The following COA8 variants were observed in gnomAD, a reference collection of about 807,000 sequenced individuals.
The protein encoded by COA8 is UPF0671 protein C14orf153.
A neutral mutation model predicts 22.0 loss-of-function variants in COA8; 20 were observed. The observed-to-expected ratio is 0.91, with a 90% CI of 0.64 to 1.32. The LOEUF is 1.32. Ranked by LOEUF, COA8 falls within the 40% of genes most tolerant of loss-of-function variation. The pLI is 0.00. For missense variants in COA8, 266 were observed against 230.0 expected (o/e 1.16, Z -1.01); for synonymous variants, 105 against 79.9 (o/e 1.31, Z -1.68).
intron 4 of COA8, chr14:103,588,135 A>C (rs1235990390): frequency 1.9e-5 from 6 of 320,566 alleles, no homozygotes; most frequent in Admixed American, 9.9e-5. Flanking sequence ...AAAAAAAAAA[A>C]AAAAACGGGT....
Position 103,590,710 on chromosome 14 carries a change from A to T in COA8, c.*424A>T, listed in dbSNP as rs1424102067. On this transcript the variant is annotated 3_prime_UTR_variant, in exon 5 of 5. Transcript: ENST00000409074. ...TGGCAAAACCCTGTCTCTACAAAAAATTAGCTGGGTGTGGTGGCACGCACC... is the reference window on the plus strand; with the variant it reads ...TGGCAAAACCCTGTCTCTACAAAAATTTAGCTGGGTGTGGTGGCACGCACC... 5.1e-5 allele frequency: 8 copies of T among 156,320 alleles called. No homozygotes were observed. The highest frequency in any genetic ancestry group is 1.4e-4 in the African/African-American group (6 of 41,454). The allele number at this position is 156,320 out of a possible 1,614,324, so 9.7% of individuals were successfully genotyped here. A position where few individuals can be genotyped will look rare whatever the true frequency, so the allele number is the denominator to read the frequency against.
intron 4 of COA8, among the ~76,000 whole-genome samples, chr14:103,589,908 C>T (rs1056550370): frequency 9.3e-5 from 14 of 151,222 alleles, no homozygotes; most frequent in Non-Finnish European, 1.8e-4. Flanking sequence ...ACCGAGACTC[C>T]GTCTCAAAAA....
At chr14:103,578,185 C>T (rs1160314559) in intron 3 of COA8, among the ~76,000 whole-genome samples, 1 of 151,896 alleles carries the variant, frequency 6.6e-6, no homozygotes, top group African/African-American at 2.4e-5. Flanking sequence ...CAGAGCCAGA[C>T]TGTCTCCAAA....
chr14:103,565,508 T>G (rs2076129371), intron 1 of COA8, among the ~76,000 whole-genome samples: 1 of 152,166 alleles, frequency 6.6e-6, no homozygotes, highest in Non-Finnish European at 1.5e-5. Flanking sequence ...TAGTTCTTTT[T>G]TTTTCTTTAA....
chr14:103,570,085 G>A (rs908784269), intron 1 of COA8, among the ~76,000 whole-genome samples: 2 of 152,056 alleles, frequency 1.3e-5, no homozygotes, highest in African/African-American at 4.8e-5. Context: ...TCGAACTCCC[G>A]ACCTTAGGTG....
intron 1 of COA8, among the ~76,000 whole-genome samples, chr14:103,565,044 A>G (rs1035587680): frequency 2.0e-5 from 3 of 151,888 alleles, no homozygotes; most frequent in Non-Finnish European, 2.9e-5. Flanking sequence ...ACCTTTGCCT[A>G]CTGGGTTCAA....
intron 3 of COA8, among the ~76,000 whole-genome samples, chr14:103,575,137 C>T (rs1184427405): frequency 2.0e-5 from 3 of 152,206 alleles, no homozygotes; most frequent in East Asian, 1.9e-4. Flanking sequence ...CGTGTGTACG[C>T]ATGTGTGTGC....
intron 3 of COA8, among the ~76,000 whole-genome samples, chr14:103,575,580 A>G (rs2076224620): frequency 6.6e-6 from 1 of 152,214 alleles, no homozygotes; most frequent in Non-Finnish European, 1.5e-5. Flanking sequence ...AGCCAAGAGA[A>G]GGGGAGCTTT....
At position 103,581,566 on chromosome 14, in the gene COA8, C is replaced by T. The variant is rs149235489; in HGVS notation, c.386-5708C>T. ...TCTGGAATTTTCCATTTAATATTTT[C>T]AGACCCCACTTTACCTCGGGTAACT... is the stretch of plus-strand genomic sequence containing the variant. On this transcript the variant is annotated intron_variant, in intron 3 of 4. Coordinates refer to ENST00000409074, the MANE Select transcript of COA8 (RefSeq NM_001370595.2). This position sits in a 1 kb window ranked among gnomAD's most constrained non-coding sequence, Gnocchi z 4.1. The T allele has an allele frequency of 1.0e-5, 4 of 399,164 alleles. No individual in the cohort carries two copies. The highest frequency in any genetic ancestry group is 8.2e-5 in the African/African-American group (4 of 48,772). The allele number at this position is 399,164 out of a possible 1,614,324, so 24.7% of individuals were successfully genotyped here. A position where few individuals can be genotyped will look rare whatever the true frequency, so the allele number is the denominator to read the frequency against.
At chr14:103,585,227 C>T (rs1029950501) in intron 3 of COA8, among the ~76,000 whole-genome samples, 2 of 151,916 alleles carry the variant, frequency 1.3e-5, no homozygotes, top group African/African-American at 4.8e-5. Context: ...GCCTGTAATA[C>T]CAGCACTTTG....
intron 2 of COA8, among the ~76,000 whole-genome samples, chr14:103,572,605 C>CCCACCA (rs532011158): frequency 1.7e-3 from 264 of 152,036 alleles, no homozygotes; most frequent in Middle Eastern, 6.8e-3. Flanking sequence ...TGGCATATGC[C>CCCACCA]TGTGATCCCC....
intron 1 of COA8, 122 bp downstream of exon 1, chr14:103,563,246 G>A: frequency 7.5e-7 from 1 of 1,336,896 alleles, no homozygotes; most frequent in Non-Finnish European, 1.0e-6. Flanking sequence ...GTGCTCTCGC[G>A]TCCTATCCCG....
At chr14:103,572,522 G>A (rs77382813) in intron 2 of COA8, among the ~76,000 whole-genome samples, 2,490 of 152,218 alleles carry the variant, frequency 0.016, 34 homozygotes, top group Non-Finnish European at 0.027. Context: ...TTGAAGCCAG[G>A]AGTTTGAGAG....
chr14:103,574,380 C>A (rs761204824), intron 3 of COA8: 1 of 724,904 alleles, frequency 1.4e-6, no homozygotes, highest in Non-Finnish European at 2.4e-6. Context: ...CCTTTCTCTC[C>A]GGATTTTAGG....
intron 3 of COA8, 97 bp from the exon 4 acceptor site, chr14:103,587,177 A>G: frequency 1.2e-6 from 1 of 852,808 alleles, no homozygotes; most frequent in Non-Finnish European, 1.9e-6. Context: ...TCTTGTATAT[A>G]TCCTGCAAGC....
intron 2 of COA8, among the ~76,000 whole-genome samples, chr14:103,572,120 C>T (rs1169352203): frequency 2.1e-5 from 3 of 146,292 alleles, no homozygotes; most frequent in Non-Finnish European, 4.5e-5. Context: ...GAGCCAGACT[C>T]GTCTCAAAAA....
chr14:103,576,608 C>G (rs547835237), intron 3 of COA8, among the ~76,000 whole-genome samples: 23 of 152,294 alleles, frequency 1.5e-4, no homozygotes, highest in African/African-American at 5.3e-4. Context: ...ACGCTAGGAC[C>G]AGAGCAATTT....
intron 3 of COA8, among the ~76,000 whole-genome samples, chr14:103,584,902 G>C (rs2076294076): frequency 6.6e-6 from 1 of 152,168 alleles, no homozygotes; most frequent in Admixed American, 6.6e-5. Flanking sequence ...CACTCTGGGA[G>C]GCCAAGGCGG....
intron 3 of COA8, among the ~76,000 whole-genome samples, chr14:103,577,379 A>G (rs1431763273): frequency 6.6e-6 from 1 of 151,450 alleles, no homozygotes; most frequent in Non-Finnish European, 1.5e-5. Context: ...CCCAGCCTAC[A>G]GTGCATATGC....
Sources: allele counts gnomAD v4.1 joint callset (sites outside exome capture counted in the v4.1 genomes callset), GRCh38; gene constraint gnomAD v4.1.1; non-coding constraint Gnocchi (gnomAD v3.1); transcripts MANE v1.5; gene names NCBI Gene and HGNC (gene_info 2026-07-23, HGNC 2026-07-21).